The following MYH4 variants were observed in gnomAD, a reference collection of about 807,000 sequenced individuals.
The protein encoded by MYH4 is myosin-4.
Under a neutral mutation model 229.9 loss-of-function variants are expected in MYH4, and 200 were observed. The observed-to-expected ratio is 0.87, with a 90% CI of 0.78 to 0.98. The LOEUF (loss-of-function observed/expected upper bound fraction) is 0.98, where lower values mean the gene tolerates loss of function less well. Among genes scored for constraint, MYH4 ranks in the 50% least tolerant of loss-of-function variants. MYH4 has a pLI of 0.00. For synonymous variants in MYH4, 761 were observed against 834.6 expected (o/e 0.91, Z 1.52); for missense variants, 2,148 against 2,332.6 (o/e 0.92, Z 1.63).
At position 10,466,421 on chromosome 17, in the gene MYH4, TAAGAA is replaced by T. The variant is rs571292668; in HGVS notation, c.205-10_205-6del. The T allele has an allele frequency of 2.9e-5, 47 of 1,612,990 alleles. No individual in the cohort carries two copies. Among genetic ancestry groups the T allele is most frequent in the East Asian group, 4.5e-5 (2 of 44,880 alleles). Reference sequence around the variant, plus strand: ...GTCTTCTTTCACAGTTACAGTCTGTTAAGAAAAGAAAAAACAAGTGCATATCAAAT... The same window carrying T: ...GTCTTCTTTCACAGTTACAGTCTGTTAAGAAAAAACAAGTGCATATCAAAT... On this transcript the variant is annotated splice_region_variant and splice_polypyrimidine_tract_variant and intron_variant, in intron 3 of 39. Coordinates refer to ENST00000255381, the MANE Select transcript of MYH4 (RefSeq NM_017533.2).
Position 10,453,188 on chromosome 17 carries a change from G to C in MYH4, c.3075C>G (p.Thr1025=). The C allele has an allele frequency of 6.2e-7, 1 of 1,614,020 alleles. No individual in the cohort carries two copies. The highest frequency in any genetic ancestry group is 8.5e-7 in the Non-Finnish European group (1 of 1,180,002). The change falls in exon 24 of 40, where the codon ACC becomes ACG. Residue 1025 remains threonine (T), a synonymous_variant. Coordinates refer to ENST00000255381, the MANE Select transcript of MYH4 (RefSeq NM_017533.2). ...GCTGTTCTAGCTTGGTTTTAGCTTT[G>C]GTCAGGGTGTTGACTTTGTCCTCCT... ...QMEEDKVNTL[T]KAKTKLEQQV...
intron 25 of MYH4, 27 bp downstream of exon 25, chr17:10,452,760 G>A: frequency 1.9e-6 from 3 of 1,583,284 alleles, no homozygotes; most frequent in Non-Finnish European, 2.6e-6. Context: ...CAACAAGCAG[G>A]TTATAGCTGA....
intron 27 of MYH4, 146 bp from the exon 28 acceptor site, chr17:10,451,598 G>A (rs1307932596): frequency 2.0e-5 from 18 of 885,644 alleles, no homozygotes; most frequent in Non-Finnish European, 1.6e-6. Context: ...AGTAGTAGAG[G>A]CATTTAATTT....
chr17:10,447,176 T>G lies in MYH4; in HGVS notation c.5006A>C (p.Asp1669Ala). 6.2e-7 allele frequency: 1 copy of G among 1,614,168 alleles called. No individual in the cohort carries two copies. Among genetic ancestry groups the G allele is most frequent in the Non-Finnish European group, 8.5e-7 (1 of 1,180,020 alleles). ...CATTGCCAGTTGTTCCTTAAGGTCA[T>G]CTTGGCCTCTGATGGCATCATCCAA... ...LHLDDAIRGQ[D>A]DLKEQLAMVE... The change falls in exon 35 of 40, where the codon GAT becomes GCT. Residue 1669 changes from aspartate (D) to alanine (A), a missense_variant. Physicochemically the swap from Asp to Ala is moderately radical, Grantham distance 126. Coordinates refer to ENST00000255381, the MANE Select transcript of MYH4 (RefSeq NM_017533.2).
At chr17:10,456,349 C>T (rs2072638047) in intron 17 of MYH4, 136 bp downstream of exon 17, 2 of 686,368 alleles carry the variant, frequency 2.9e-6, no homozygotes, top group Non-Finnish European at 4.7e-6. Flanking sequence ...GTTTACAAAA[C>T]CTTTAGTAGT....
rs2072630668 is a variant in MYH4, at chr17:10,455,651, A to C, written c.2137T>G (p.Phe713Val). Residue 713 changes from phenylalanine (F) to valine (V), a missense_variant, in exon 19 of 40, where the codon TTC becomes GTC. By Grantham distance (50) the Phe-to-Val change is conservative. Coordinates refer to ENST00000255381, the MANE Select transcript of MYH4 (RefSeq NM_017533.2). Reference protein sequence around the residue: ...LEGIRICRKGFPSRILYADFK... With the variant: ...LEGIRICRKGVPSRILYADFK... ...TCTGCATAAAGGATTCTGCTTGGGA[A>C]GCCTTTCCTGCAGATGCGGATGCCT... is the stretch of plus-strand genomic sequence containing the variant. 6.8e-6 allele frequency: 11 copies of C among 1,614,094 alleles called. No individual in the cohort carries two copies. Among genetic ancestry groups the C allele is most frequent in the Non-Finnish European group, 8.5e-6 (10 of 1,179,938 alleles).
intron 39 of MYH4, among the ~76,000 whole-genome samples, chr17:10,444,279 A>G (rs1794020916): frequency 6.6e-6 from 1 of 152,216 alleles, no homozygotes; most frequent in East Asian, 1.9e-4. Flanking sequence ...AATGAAGCTT[A>G]GAATTCATAC....
chr17:10,450,629 A>G lies in MYH4; in HGVS notation c.4005T>C (p.His1335=). Residue 1335 remains histidine (H), a synonymous_variant, in exon 30 of 40, where the codon CAT becomes CAC. Coordinates refer to ENST00000255381, the MANE Select transcript of MYH4 (RefSeq NM_017533.2). ...EETKAKSTLA[H]ALQSARHDCD... Reference sequence around the variant, plus strand: ...AGTCATGGCGGGCTGACTGCAGGGCATGGGCCAGAGTGCTCTTGGCCTAGA... The same window carrying G: ...AGTCATGGCGGGCTGACTGCAGGGCGTGGGCCAGAGTGCTCTTGGCCTAGA... 6.2e-7 allele frequency: 1 copy of G among 1,614,182 alleles called. No homozygotes were observed. Among genetic ancestry groups the G allele is most frequent in the Non-Finnish European group, 8.5e-7 (1 of 1,180,010 alleles).
In MYH4 at chr17:10,451,393, C is replaced by T. The variant is rs778092517; in HGVS notation, c.3798G>A (p.Lys1266=). 3.1e-6 allele frequency: 5 copies of T among 1,613,876 alleles called. No individual in the cohort carries two copies. Among genetic ancestry groups the T allele is most frequent in the Non-Finnish European group, 8.5e-7 (1 of 1,179,980 alleles). The change falls in exon 28 of 40, where the codon AAG becomes AAA. Residue 1266 remains lysine (K), a synonymous_variant. Coordinates refer to ENST00000255381, the MANE Select transcript of MYH4 (RefSeq NM_017533.2). ...LEDQLSEIKT[K]EEEQQRLINE... is the part of the protein sequence containing the mutation. The stretch of plus-strand genomic sequence containing the variant: ...TTATTAAGCGTTGTTGCTCTTCTTC[C>T]TTTGTTTTTATTTCACTAAGCTGGT...
At chr17:10,465,393 G>A in intron 5 of MYH4, 49 bp downstream of exon 5, 1 of 1,600,506 alleles carries the variant, frequency 6.2e-7, no homozygotes, top group Non-Finnish European at 8.6e-7. Context: ...TCTGATATCA[G>A]TATACAACTA....
intron 17 of MYH4, 21 bp downstream of exon 17, chr17:10,456,464 T>C: frequency 6.4e-7 from 1 of 1,566,742 alleles, no homozygotes; most frequent in Non-Finnish European, 8.7e-7. Context: ...TATTTATCTG[T>C]AATTCAAGAA....
chr17:10,464,344 T>C, intron 7 of MYH4, 128 bp downstream of exon 7: 1 of 816,852 alleles, frequency 1.2e-6, no homozygotes, highest in Non-Finnish European at 1.9e-6. Flanking sequence ...GATTTTGATC[T>C]TTTTTAAGGC....
At chr17:10,456,204 A>G (rs1314084528) in intron 17 of MYH4, among the ~76,000 whole-genome samples, 1 of 152,208 alleles carries the variant, frequency 6.6e-6, no homozygotes, top group East Asian at 1.9e-4. Flanking sequence ...ATTTGATTTC[A>G]TGTGAAATTT....
At position 10,450,725 on chromosome 17, in the gene MYH4, T is replaced by C. The variant is rs2072563538; in HGVS notation, c.3984+52A>G. The C allele has an allele frequency of 3.1e-6, 5 of 1,609,876 alleles. No homozygotes were observed. The Admixed American group carries it at 5.0e-5, about 16-fold the overall frequency. On this transcript the variant is annotated intron_variant, in intron 29 of 39. Coordinates refer to ENST00000255381, the MANE Select transcript of MYH4 (RefSeq NM_017533.2). The stretch of plus-strand genomic sequence containing the variant: ...ATTCTCTATGCAAAGTTCAATAGTG[T>C]GTTATGTTGCACGGTTCAAGTGATT...
intron 7 of MYH4, 22 bp from the exon 8 acceptor site, chr17:10,463,665 A>G (rs1378088156): frequency 3.2e-6 from 5 of 1,551,142 alleles, no homozygotes; most frequent in Non-Finnish European, 3.5e-6. Context: ...TGAATAAGAC[A>G]GACAAAGAAA....
intron 11 of MYH4, among the ~76,000 whole-genome samples, chr17:10,462,215 A>G (rs999036333): frequency 2.0e-5 from 3 of 152,250 alleles, no homozygotes; most frequent in African/African-American, 7.2e-5. Context: ...CAGAAATCAA[A>G]AGAAAGCATG....
At chr17:10,446,956 T>C in intron 35 of MYH4, 57 bp downstream of exon 35, 1 of 1,534,434 alleles carries the variant, frequency 6.5e-7, no homozygotes, top group Non-Finnish European at 8.9e-7. Flanking sequence ...GCTTATCTTC[T>C]CAAATTATCT....
At position 10,466,742 on chromosome 17, in the gene MYH4, T is replaced by A. The variant is rs2072772718; in HGVS notation, c.4A>T (p.Ser2Cys). Residue 2 changes from serine to cysteine, a missense_variant, in exon 3 of 40, where the codon AGT becomes TGT. Physicochemically the swap from Ser to Cys is moderately radical, Grantham distance 112. Coordinates refer to ENST00000255381, the MANE Select transcript of MYH4 (RefSeq NM_017533.2). Reference sequence around the variant, plus strand: ...AAAATGGCCATCTCAGAGTCAGAACTCATGGCTGCAGGTTATTGATGGCAG... The same window carrying A: ...AAAATGGCCATCTCAGAGTCAGAACACATGGCTGCAGGTTATTGATGGCAG... MSSDSEMAIFGE... is the reference protein window; with the variant it reads MCSDSEMAIFGE... 6.2e-7 allele frequency: 1 copy of A among 1,614,104 alleles called. No homozygotes were observed. Among genetic ancestry groups the A allele is most frequent in the Non-Finnish European group, 8.5e-7 (1 of 1,180,058 alleles).
At chr17:10,453,057 G>T in intron 24 of MYH4, 95 bp downstream of exon 24, 1 of 1,594,700 alleles carries the variant, frequency 6.3e-7, no homozygotes, top group South Asian at 1.1e-5. Flanking sequence ...TTTATTCACA[G>T]ACCAAGCGTT....
Sources: allele counts gnomAD v4.1 joint callset (sites outside exome capture counted in the v4.1 genomes callset), GRCh38; gene constraint gnomAD v4.1.1; transcripts MANE v1.5; gene names NCBI Gene and HGNC (gene_info 2026-07-23, HGNC 2026-07-21).